PSCA: variants seen among roughly 807,000 people sequenced by gnomAD.
The protein encoded by PSCA is prostate stem cell antigen.
A neutral mutation model predicts 7.9 loss-of-function variants in PSCA; 7 were observed. The observed-to-expected ratio is 0.89, with a 90% CI of 0.51 to 1.67. PSCA has a LOEUF of 1.67. Ranked by LOEUF, PSCA falls within the 40% of genes most tolerant of loss-of-function variation. The probability of loss-of-function intolerance (pLI) is 0.00; values close to 1 mark genes in which losing one functional copy is unlikely to be tolerated. For missense variants in PSCA, 151 were observed against 147.9 expected (o/e 1.02, Z -0.11); for synonymous variants, 61 against 68.3 (o/e 0.89, Z 0.53).
At position 142,682,127 on chromosome 8, in the gene PSCA, C is replaced by A. The variant is rs782554393; in HGVS notation, c.340C>A (p.Leu114Ile). ...CCTGCTGCTCTGGGGACCCGGCCAG[C>A]TCTAGGCTCTGGGGGGCCCCGCTGC... is the stretch of plus-strand genomic sequence containing the variant. Reference protein sequence around the residue: ...LGLLLWGPGQL With the variant: ...LGLLLWGPGQI Residue 114 changes from leucine (L) to isoleucine (I), a missense_variant, in exon 3 of 3, where the codon CTC (leucine) becomes ATC (isoleucine). By Grantham distance (5) the Leu-to-Ile change is conservative. Transcript: ENST00000301258. 6.3e-7 allele frequency: 1 copy of A among 1,599,638 alleles called. No homozygotes were observed.
chr8:142,678,163 C>T (rs1847419712), upstream of PSCA, among the ~76,000 whole-genome samples: 1 of 152,162 alleles, frequency 6.6e-6, no homozygotes, highest in South Asian at 2.1e-4. Flanking sequence ...GTCCGATTCC[C>T]CGAGACTTTT....
At chr8:142,679,001 C>T (rs1407185073), upstream of PSCA, among the ~76,000 whole-genome samples, 2 of 151,726 alleles carry the variant, frequency 1.3e-5, no homozygotes, top group African/African-American at 2.4e-5. Flanking sequence ...TCTAGAGGGC[C>T]ATAGCCACTG....
At chr8:142,679,410 T>C (rs1847436244), upstream of PSCA, among the ~76,000 whole-genome samples, 1 of 122,914 alleles carries the variant, frequency 8.1e-6, no homozygotes, top group Admixed American at 8.8e-5. Context: ...GGCTGTCCCC[T>C]GTGTCAACAA....
At chr8:142,681,145 G>A (rs1554638260) in intron 1 of PSCA, 182 bp from the exon 2 acceptor site, 2 of 581,902 alleles carry the variant, frequency 3.4e-6, no homozygotes, top group East Asian at 5.7e-5. Context: ...GGACTAAACA[G>A]GGCAACATTT....
At chr8:142,681,649 T>C in intron 2 of PSCA, 1 of 617,792 alleles carries the variant, frequency 1.6e-6, no homozygotes, top group Non-Finnish European at 2.9e-6. Context: ...ATCCTCCATC[T>C]TCCACTCCTC....
chr8:142,670,773 G>A (rs1352170755), intron 1 of PSCA, among the ~76,000 whole-genome samples: 1 of 152,178 alleles, frequency 6.6e-6, no homozygotes, highest in African/African-American at 2.4e-5. Context: ...AAAAGGGACT[G>A]CAAATGCAAT....
chr8:142,670,487 T>C (rs1191021996), exon 1 of PSCA: 1 of 152,244 alleles, frequency 6.6e-6, no homozygotes, highest in Non-Finnish European at 1.5e-5. Context: ...TTGACCCCCT[T>C]ACTTAGCTGG....
At chr8:142,672,937 T>C (rs1847352793) in intron 1 of PSCA, among the ~76,000 whole-genome samples, 1 of 152,182 alleles carries the variant, frequency 6.6e-6, no homozygotes, top group Non-Finnish European at 1.5e-5. Context: ...AATGGGCTTC[T>C]ACTTGGCCAG....
At position 142,680,568 on chromosome 8, in the gene PSCA, G is replaced by A. The variant is rs1554638204; in HGVS notation, c.25+5G>A. 1 of 1,553,840 alleles carries A rather than the reference G, an allele frequency of 6.4e-7. No individual in the cohort carries two copies. The highest frequency in any genetic ancestry group is 1.2e-5 in the South Asian group (1 of 84,214). On this transcript the variant is annotated splice_donor_5th_base_variant and intron_variant, in intron 1 of 2. Coordinates refer to ENST00000301258, the MANE Select transcript of PSCA (RefSeq NM_005672.5). Reference sequence around the variant, plus strand: ...CAGGCTTGGCCCTGCAGCCAGGTGAGGCCTTGGCTGGCCCCCAGCAGGGAA... The same window carrying A: ...CAGGCTTGGCCCTGCAGCCAGGTGAAGCCTTGGCTGGCCCCCAGCAGGGAA...
chr8:142,671,040 C>T (rs1196566879), intron 1 of PSCA, among the ~76,000 whole-genome samples: 1 of 152,184 alleles, frequency 6.6e-6, no homozygotes, highest in Non-Finnish European at 1.5e-5. Flanking sequence ...AGTTGTTATA[C>T]AGTATTGTTT....
chr8:142,671,874 C>G (rs1291764404), intron 1 of PSCA, among the ~76,000 whole-genome samples: 3 of 152,048 alleles, frequency 2.0e-5, no homozygotes, highest in African/African-American at 4.8e-5. Context: ...CCAGCACCCT[C>G]CCACCCTCTG....
Position 142,681,374 on chromosome 8 carries a change from G to A in PSCA, c.73G>A (p.Asp25Asn). 1 of 1,588,854 alleles carries A rather than the reference G, an allele frequency of 6.3e-7. No individual in the cohort carries two copies. Among genetic ancestry groups the A allele is most frequent in the South Asian group, 1.2e-5 (1 of 86,862 alleles). Residue 25 changes from aspartate to asparagine, a missense_variant, in exon 2 of 3, where the codon GAC (aspartate) becomes AAC (asparagine). By Grantham distance (23) the Asp-to-Asn change is conservative. Coordinates refer to ENST00000301258, the MANE Select transcript of PSCA (RefSeq NM_005672.5). ...CTGCAAAGCCCAGGTGAGCAACGAG[G>A]ACTGCCTGCAGGTGGAGAACTGCAC... ...YSCKAQVSNE[D>N]CLQVENCTQL...
rs1554638427 is a variant in PSCA, at chr8:142,682,020, G to A, written c.233G>A (p.Cys78Tyr). ...GTGGGCAAGAAGAACATCACGTGCT[G>A]TGACACCGACTTGTGCAACGCCAGC... The part of the protein sequence containing the change: ...YYVGKKNITC[C>Y]DTDLCNASGA... The change falls in exon 3 of 3, where the codon TGT becomes TAT. Residue 78 changes from cysteine to tyrosine, a missense_variant. Transcript: ENST00000301258. The A allele has an allele frequency of 6.2e-7, 1 of 1,613,266 alleles. No homozygotes were observed. The highest frequency in any genetic ancestry group is 8.5e-7 in the Non-Finnish European group (1 of 1,179,772).
intron 1 of PSCA, among the ~76,000 whole-genome samples, chr8:142,674,390 A>C (rs1175866169): frequency 6.7e-6 from 1 of 150,106 alleles, no homozygotes; most frequent in African/African-American, 2.5e-5. Context: ...AGCAGAGCTC[A>C]GATCCCCCAT....
At chr8:142,678,112 G>A (rs782593674), upstream of PSCA, among the ~76,000 whole-genome samples, 1 of 152,080 alleles carries the variant, frequency 6.6e-6, no homozygotes, top group East Asian at 1.9e-4. Flanking sequence ...CTTCCTGGAC[G>A]GTGCAGGCCT....
chr8:142,681,594 C>G, intron 2 of PSCA, 160 bp downstream of exon 2: 4 of 660,924 alleles, frequency 6.1e-6, no homozygotes, highest in Non-Finnish European at 8.1e-6. Context: ...GTCCCTCCAG[C>G]CATCCTCCTC....
chr8:142,677,596 G>A (rs889407866), upstream of PSCA, among the ~76,000 whole-genome samples: 1 of 152,192 alleles, frequency 6.6e-6, no homozygotes, highest in African/African-American at 2.4e-5. Flanking sequence ...AGTGGCCAGA[G>A]TCCGGGCGAG....
chr8:142,680,305 T>C (rs1847446352), upstream of PSCA: 10 of 575,920 alleles, frequency 1.7e-5, no homozygotes, highest in Admixed American at 2.9e-5. Context: ...TGGCCCTGGG[T>C]AGGCTCTGTC....
At chr8:142,680,610 C>A (rs375864029) in intron 1 of PSCA, 47 bp downstream of exon 1, 2 of 1,551,170 alleles carry the variant, frequency 1.3e-6, no homozygotes, top group African/African-American at 2.7e-5. Flanking sequence ...AGGGGTGAGC[C>A]GGGGAGGCCA....
Sources: gnomAD v4.1 joint callset for allele counts (sites outside exome capture counted in the v4.1 genomes callset) on GRCh38, gnomAD v4.1.1 for gene constraint, MANE v1.5 for transcripts, NCBI Gene and HGNC (gene_info 2026-07-23, HGNC 2026-07-21) for gene names.